KCNA6: variants seen among roughly 807,000 people sequenced by gnomAD.
KCNA6 encodes potassium voltage-gated channel subfamily A member 6.
In KCNA6, 17 loss-of-function variants were observed where a neutral mutation model predicts 29.5. The ratio of observed to expected loss-of-function variants is 0.58; its 90% CI spans 0.39 to 0.86. KCNA6 has a LOEUF of 0.86. Among genes scored for constraint, KCNA6 ranks in the 40% least tolerant of loss-of-function variants. The pLI is 0.00. For synonymous variants in KCNA6, 296 were observed against 304.7 expected (o/e 0.97, Z 0.30); for missense variants, 450 against 703.4 (o/e 0.64, Z 4.07).
exon 1 of KCNA6, chr12:4,809,672 C>T: frequency 4.9e-6 from 1 of 204,572 alleles, no homozygotes; most frequent in African/African-American, 2.3e-5. Flanking sequence ...GGCTGGAGGG[C>T]GGACCTCTGC....
the KCNA6 span, among the ~76,000 whole-genome samples, chr12:4,818,837 TGC>T: frequency 8.4e-6 from 1 of 119,486 alleles, no homozygotes; most frequent in African/African-American, 3.6e-5. Flanking sequence ...TCCCTGAAAG[TGC>T]ACACACACAC....
chr12:4,848,514 C>CAAAA, the KCNA6 span, among the ~76,000 whole-genome samples: 127 of 144,962 alleles, frequency 8.8e-4, no homozygotes, highest in Middle Eastern at 3.5e-3. Context: ...CAGGAGGGAG[C>CAAAA]AAAAAAAAAA....
chr12:4,829,885 T>C, the KCNA6 span, among the ~76,000 whole-genome samples: 9 of 152,192 alleles, frequency 5.9e-5, no homozygotes, highest in African/African-American at 2.2e-4. Flanking sequence ...TATTATATTG[T>C]CCTTGGCCGA....
At chr12:4,846,632 A>G in the KCNA6 span, among the ~76,000 whole-genome samples, 1 of 152,124 alleles carries the variant, frequency 6.6e-6, no homozygotes, top group Non-Finnish European at 1.5e-5. Context: ...ACTTCCCACC[A>G]GAAATGTCAA....
chr12:4,810,645 G>C lies in KCNA6; in HGVS notation c.604G>C (p.Asp202His). Residue 202 changes from aspartate (D) to histidine (H), a missense_variant, in exon 1 of 1, where the codon GAT becomes CAT. Coordinates refer to ENST00000280684, the Ensembl canonical transcript of KCNA6. This position sits in a 1 kb window ranked among gnomAD's most constrained non-coding sequence, Gnocchi z 7.5. Reference sequence around the variant, plus strand: ...GGAGACCTTACCCCAGTTCCGTGTAGATGGTCGAGGTGGAAACAATGGTGG... The same window carrying C: ...GGAGACCTTACCCCAGTTCCGTGTACATGGTCGAGGTGGAAACAATGGTGG... 6.2e-7 allele frequency: 1 copy of C among 1,614,180 alleles called. No individual in the cohort carries two copies. The highest frequency in any genetic ancestry group is 8.5e-7 in the Non-Finnish European group (1 of 1,180,024).
the KCNA6 span, among the ~76,000 whole-genome samples, chr12:4,824,842 C>T: frequency 6.6e-6 from 1 of 152,198 alleles, no homozygotes; most frequent in African/African-American, 2.4e-5. Context: ...ATTGGCTTTA[C>T]CTTCAACATT....
At chr12:4,838,263 A>T in the KCNA6 span, among the ~76,000 whole-genome samples, 1 of 152,198 alleles carries the variant, frequency 6.6e-6, no homozygotes, top group South Asian at 2.1e-4. Context: ...CTGGGAATCA[A>T]GTTGAGTGGA....
chr12:4,847,743 G>T, the KCNA6 span, among the ~76,000 whole-genome samples: 2 of 152,096 alleles, frequency 1.3e-5, no homozygotes, highest in African/African-American at 4.8e-5. Context: ...TGAGATGTTT[G>T]TAATTTGATG....
chr12:4,820,816 A>G, the KCNA6 span, among the ~76,000 whole-genome samples: 1 of 152,172 alleles, frequency 6.6e-6, no homozygotes, highest in Non-Finnish European at 1.5e-5. Flanking sequence ...GGTATTTAGC[A>G]CTGGACAAAG....
the KCNA6 span, among the ~76,000 whole-genome samples, chr12:4,845,479 C>T: frequency 7.8e-4 from 119 of 152,254 alleles, no homozygotes; most frequent in Middle Eastern, 3.4e-3. Flanking sequence ...GGATGCTCCG[C>T]AGTCACGTTA....
At chr12:4,835,933 T>TG in the KCNA6 span, among the ~76,000 whole-genome samples, 1 of 84,674 alleles carries the variant, frequency 1.2e-5, no homozygotes, top group Non-Finnish European at 2.5e-5. Context: ...AAAAAGTCGC[T>TG]GTTTTTTTTT....
the KCNA6 span, among the ~76,000 whole-genome samples, chr12:4,838,403 A>G: frequency 1.3e-5 from 2 of 152,096 alleles, no homozygotes; most frequent in Non-Finnish European, 2.9e-5. Flanking sequence ...CACCTTACAC[A>G]CACTGGGGGC....
the KCNA6 span, among the ~76,000 whole-genome samples, chr12:4,827,186 C>CTCCTTCCTTCCTTCTTCCT: frequency 1.6e-5 from 1 of 60,988 alleles, no homozygotes; most frequent in Middle Eastern, 0.011. Context: ...CCTTCCTTCC[C>CTCCTTCCTTCCTTCTTCCT]TCCTTCCTTC....
At chr12:4,843,325 C>T in the KCNA6 span, among the ~76,000 whole-genome samples, 2 of 151,928 alleles carry the variant, frequency 1.3e-5, no homozygotes, top group Non-Finnish European at 2.9e-5. Context: ...GGACTACAGG[C>T]ACCCGCCACC....
At chr12:4,836,627 A>C in the KCNA6 span, among the ~76,000 whole-genome samples, 149 of 152,322 alleles carry the variant, frequency 9.8e-4, 2 homozygotes, top group African/African-American at 3.5e-3. Flanking sequence ...AGTTGGACTC[A>C]AGATTGCGAA....
the KCNA6 span, among the ~76,000 whole-genome samples, chr12:4,846,765 CTTTT>C: frequency 9.9e-6 from 1 of 100,594 alleles, no homozygotes; most frequent in South Asian, 3.6e-4. Flanking sequence ...TGGAACACCT[CTTTT>C]TTTTTTTTTT....
At chr12:4,819,784 G>A in the KCNA6 span, among the ~76,000 whole-genome samples, 1 of 152,200 alleles carries the variant, frequency 6.6e-6, no homozygotes, top group Admixed American at 6.5e-5. Flanking sequence ...GGGAGTTGGA[G>A]AATTGGTCTG....
chr12:4,844,268 A>C, the KCNA6 span, among the ~76,000 whole-genome samples: 1 of 152,202 alleles, frequency 6.6e-6, no homozygotes, highest in Non-Finnish European at 1.5e-5. This position sits in a 1 kb window ranked among gnomAD's most constrained non-coding sequence, Gnocchi z 4.0. Flanking sequence ...GCAAATGTTT[A>C]AATAAAATAT....
chr12:4,816,292 G>C (rs1392564691), downstream of KCNA6, among the ~76,000 whole-genome samples: 2 of 142,912 alleles, frequency 1.4e-5, no homozygotes, highest in Non-Finnish European at 3.1e-5. Flanking sequence ...GTGTGTGTGT[G>C]TGTGTCTGTG....
Sources: allele counts gnomAD v4.1 joint callset (sites outside exome capture counted in the v4.1 genomes callset), GRCh38; gene constraint gnomAD v4.1.1; non-coding constraint Gnocchi (gnomAD v3.1); transcripts MANE v1.5; gene names NCBI Gene and HGNC (gene_info 2026-07-23, HGNC 2026-07-21).